The following ZMAT4 variants were observed in gnomAD, a reference collection of about 807,000 sequenced individuals.
The protein encoded by ZMAT4 is zinc finger matrin-type 4, also known as zinc finger matrin-type protein 4.
A neutral mutation model predicts 28.7 loss-of-function variants in ZMAT4; 17 were observed. The ratio of observed to expected loss-of-function variants is 0.59; its 90% CI spans 0.41 to 0.89. ZMAT4 has a LOEUF of 0.89. Ranked by LOEUF, ZMAT4 falls within the 40% of genes least tolerant of loss-of-function variation. The pLI, the probability that ZMAT4 is intolerant of heterozygous loss-of-function variation, is 0.00. For missense variants in ZMAT4, 240 were observed against 283.8 expected (o/e 0.85, Z 1.11); for synonymous variants, 117 against 109.2 (o/e 1.07, Z -0.44).
In ZMAT4 at chr8:40,616,393, C is replaced by T. The variant is rs191452019; in HGVS notation, c.578-35132G>A. 1.0e-3 allele frequency among the ~76,000 whole-genome samples: 152 copies of T among 152,232 alleles called. 2 individuals carry two copies. Among genetic ancestry groups the T allele is most frequent in the African/African-American group, 2.3e-3 (96 of 41,534 alleles). ...CAGCCATCCCATTACTGGGTATATA[C>T]GCAAAGGATTATAAATCATGCTGCT... On this transcript the variant is annotated intron_variant, in intron 5 of 6. Transcript: ENST00000297737.
chr8:40,760,276 T>C (rs1305643573), intron 3 of ZMAT4, among the ~76,000 whole-genome samples: 9 of 152,336 alleles, frequency 5.9e-5, no homozygotes, highest in Admixed American at 3.9e-4. Flanking sequence ...CCTATTGCAA[T>C]AGACTTCCAT....
chr8:40,571,857 T>C (rs770401902), intron 6 of ZMAT4, among the ~76,000 whole-genome samples: 5 of 152,148 alleles, frequency 3.3e-5, no homozygotes, highest in Non-Finnish European at 7.3e-5. Context: ...ATTTTACTGG[T>C]GATACATATT....
chr8:40,778,289 A>G (rs1813689195), intron 2 of ZMAT4, among the ~76,000 whole-genome samples: 1 of 152,236 alleles, frequency 6.6e-6, no homozygotes, highest in African/African-American at 2.4e-5. Flanking sequence ...AAATACTTCT[A>G]GGAATACATA....
chr8:40,674,622 A>G (rs1300265311), intron 5 of ZMAT4, 82 bp downstream of exon 5: 3 of 1,138,094 alleles, frequency 2.6e-6, no homozygotes, highest in Non-Finnish European at 3.9e-6. Flanking sequence ...AAGCAAGAAG[A>G]AGAATCATTC....
chr8:40,640,324 G>A (rs1563380012), intron 5 of ZMAT4, among the ~76,000 whole-genome samples: 1 of 152,146 alleles, frequency 6.6e-6, no homozygotes. Context: ...AGGATGTGAA[G>A]GCTAGAATGG....
intron 5 of ZMAT4, among the ~76,000 whole-genome samples, chr8:40,648,426 A>G (rs1479818344): frequency 6.6e-6 from 1 of 150,748 alleles, no homozygotes; most frequent in Non-Finnish European, 1.5e-5. Flanking sequence ...GGACTATGTG[A>G]AAAGACCAAA....
intron 6 of ZMAT4, among the ~76,000 whole-genome samples, chr8:40,568,848 G>A (rs2099460109): frequency 6.6e-6 from 1 of 152,040 alleles, no homozygotes; most frequent in African/African-American, 2.4e-5. Context: ...GATGGCTCCA[G>A]GCAGATGCAG....
chr8:40,783,378 AT>A (rs1482621367), intron 2 of ZMAT4, among the ~76,000 whole-genome samples: 1 of 152,196 alleles, frequency 6.6e-6, no homozygotes, highest in Non-Finnish European at 1.5e-5. Flanking sequence ...AAATAGATTA[AT>A]GGTTGCTAGG....
At chr8:40,707,079 C>CATT (rs1266918445) in intron 3 of ZMAT4, among the ~76,000 whole-genome samples, 26 of 152,174 alleles carry the variant, frequency 1.7e-4, no homozygotes, top group African/African-American at 6.3e-4. Context: ...ACATGGTTCA[C>CATT]TCCAACTAGA....
intron 1 of ZMAT4, among the ~76,000 whole-genome samples, chr8:40,837,890 T>G (rs1816554983): frequency 6.6e-6 from 1 of 152,224 alleles, no homozygotes; most frequent in Admixed American, 6.5e-5. Flanking sequence ...CCAAGAAGTC[T>G]GCTCTGTTTC....
At chr8:40,680,183 A>C (rs1011838052) in intron 4 of ZMAT4, among the ~76,000 whole-genome samples, 31 of 152,186 alleles carry the variant, frequency 2.0e-4, no homozygotes, top group African/African-American at 7.0e-4. Context: ...TAAGTTGCAG[A>C]GAGTGCACAT....
intron 5 of ZMAT4, among the ~76,000 whole-genome samples, chr8:40,669,810 T>C (rs1808593527): frequency 6.6e-6 from 1 of 152,118 alleles, no homozygotes; most frequent in South Asian, 2.1e-4. Context: ...GATCCTTGTG[T>C]TGTTCAAGAG....
At chr8:40,713,015 T>C (rs1346141974) in intron 3 of ZMAT4, among the ~76,000 whole-genome samples, 1 of 151,894 alleles carries the variant, frequency 6.6e-6, no homozygotes, top group African/African-American at 2.4e-5. Flanking sequence ...ATTAAGATAA[T>C]TTTGAAAATC....
At chr8:40,637,331 T>C (rs999850794) in intron 5 of ZMAT4, among the ~76,000 whole-genome samples, 3 of 152,186 alleles carry the variant, frequency 2.0e-5, no homozygotes, top group African/African-American at 7.2e-5. Context: ...TGGGAATTGC[T>C]GAGCACCAAA....
intron 3 of ZMAT4, among the ~76,000 whole-genome samples, chr8:40,766,647 G>A (rs1813171567): frequency 6.6e-6 from 1 of 152,192 alleles, no homozygotes; most frequent in Non-Finnish European, 1.5e-5. Context: ...TGTATGAACA[G>A]CTCATTTTGT....
chr8:40,669,230 C>G (rs989202444), intron 5 of ZMAT4, among the ~76,000 whole-genome samples: 31 of 152,110 alleles, frequency 2.0e-4, no homozygotes, highest in African/African-American at 7.2e-4. Flanking sequence ...TGCCAGAAAA[C>G]AAGTCGATGT....
chr8:40,746,168 C>T lies in ZMAT4; in HGVS notation c.192+21473G>A, dbSNP rs1812205728. On this transcript the variant is annotated intron_variant, in intron 3 of 6. Coordinates refer to ENST00000297737, the MANE Select transcript of ZMAT4 (RefSeq NM_024645.3). ...TCTGAGCTCCGCAGAGGAACTGCCA[C>T]TCCTGGTTAACATCTCTTTCTTTCT... Among the ~76,000 whole-genome samples, 5 of 152,218 alleles carry T rather than the reference C, an allele frequency of 3.3e-5. No individual in the cohort carries two copies. The South Asian group carries it at 1.0e-3, about 32-fold the overall frequency.
intron 2 of ZMAT4, among the ~76,000 whole-genome samples, chr8:40,816,238 G>T (rs1815530433): frequency 1.3e-5 from 2 of 152,088 alleles, no homozygotes; most frequent in Non-Finnish European, 2.9e-5. Flanking sequence ...GTCCTGTGCA[G>T]TCACCCACAA....
chr8:40,891,281 T>TGGGGGGAGGGGGAAGGGGGAAGGGG (rs1586234409), intron 1 of ZMAT4, among the ~76,000 whole-genome samples: 1 of 10,178 alleles, frequency 9.8e-5, no homozygotes, highest in Non-Finnish European at 1.8e-4. Flanking sequence ...AAGGGGAAAT[T>TGGGGGGAGGGGGAAGGGGGAAGGGG]GAAGACAGTG....
Sources: gnomAD v4.1 joint callset for allele counts (sites outside exome capture counted in the v4.1 genomes callset) on GRCh38, gnomAD v4.1.1 for gene constraint, MANE v1.5 for transcripts, NCBI Gene and HGNC (gene_info 2026-07-23, HGNC 2026-07-21) for gene names.